Variants in CNTNAP2 observed in about 807,000 individuals in gnomAD.
The protein encoded by CNTNAP2 is contactin associated protein 2, also known as contactin-associated protein-like 2.
In CNTNAP2, 98 loss-of-function variants were observed where a neutral mutation model predicts 155.2. That is an observed-to-expected ratio of 0.63 (90% CI 0.54 to 0.75). The LOEUF is 0.75. Among genes scored for constraint, CNTNAP2 ranks in the 30% least tolerant of loss-of-function variants. The probability of loss-of-function intolerance (pLI) is 0.00; values close to 1 mark genes in which losing one functional copy is unlikely to be tolerated. For synonymous variants in CNTNAP2, 651 were observed against 631.2 expected, an observed-to-expected ratio of 1.03 and a Z score of -0.47; for missense variants, 1,727 against 1,688.1, an observed-to-expected ratio of 1.02 and a Z score of -0.40.
At chr7:146,724,287 G>A (rs1369766145) in intron 1 of CNTNAP2, among the ~76,000 whole-genome samples, 1 of 152,176 alleles carries the variant, frequency 6.6e-6, no homozygotes, top group African/African-American at 2.4e-5. Flanking sequence ...AACAGTTACT[G>A]TTGAATAGTT....
chr7:147,551,196 T>C (rs1799845944), intron 11 of CNTNAP2, among the ~76,000 whole-genome samples: 1 of 152,210 alleles, frequency 6.6e-6, no homozygotes, highest in African/African-American at 2.4e-5. Context: ...TCAACTATTC[T>C]AGCAGGTGGT....
chr7:147,161,718 T>A (rs181243904), intron 8 of CNTNAP2: 1 of 152,304 alleles, frequency 6.6e-6, no homozygotes, highest in Non-Finnish European at 1.5e-5. Flanking sequence ...TTAATTTTGC[T>A]TCACTCAAAA....
intron 10 of CNTNAP2, among the ~76,000 whole-genome samples, chr7:147,413,812 C>T (rs1365454377): frequency 6.6e-6 from 1 of 152,112 alleles, no homozygotes; most frequent in Non-Finnish European, 1.5e-5. Flanking sequence ...CCCCCAGATA[C>T]ATGAAAAATG....
intron 13 of CNTNAP2, among the ~76,000 whole-genome samples, chr7:147,891,670 AAAC>A (rs1173917693): frequency 1.3e-5 from 2 of 152,228 alleles, no homozygotes; most frequent in African/African-American, 2.4e-5. Context: ...CATTTAAAAA[AAAC>A]AACATCTACC....
rs1302822380 is a variant in CNTNAP2 at position 148,170,632 on chromosome 7, G to A, written c.2774-1610G>A. On this transcript the variant is annotated intron_variant, in intron 17 of 23. Transcript: ENST00000361727. ...TTAGAAGAAATCAAATACTCCCAAG[G>A]GAGTCATGATTAAAACCAATGAGTC... 2.6e-5 allele frequency among the ~76,000 whole-genome samples: 4 copies of A among 152,150 alleles called. No homozygotes were observed. The East Asian group carries it at 7.7e-4, about 29-fold the overall frequency.
chr7:147,949,506 C>G (rs1800887127), intron 14 of CNTNAP2, among the ~76,000 whole-genome samples: 1 of 148,118 alleles, frequency 6.8e-6, no homozygotes, highest in Non-Finnish European at 1.5e-5. Flanking sequence ...CTCTCCAAAG[C>G]TATAATCCTG....
rs576956548 is a variant in CNTNAP2, at chr7:146,689,243, A to G, written c.98-85028A>G. On this transcript the variant is annotated intron_variant, in intron 1 of 23. Coordinates refer to ENST00000361727, the MANE Select transcript of CNTNAP2 (RefSeq NM_014141.6). ...CTTAGTTTCTTCTCTATGAGTGGTG[A>G]TCAAAATGCCTACCCTGTCTTTTGA... Among the ~76,000 whole-genome samples, 7 of 152,202 alleles carry G rather than the reference A, an allele frequency of 4.6e-5. No homozygotes were observed. In the South Asian group the frequency reaches 1.2e-3, roughly 27 times the overall value.
At chr7:146,427,291 T>C (rs1166949692) in intron 1 of CNTNAP2, among the ~76,000 whole-genome samples, 3 of 152,166 alleles carry the variant, frequency 2.0e-5, no homozygotes, top group African/African-American at 4.8e-5. Context: ...GGACAAATAT[T>C]TTTGGGAAAG....
chr7:146,847,452 C>G (rs140372767), intron 3 of CNTNAP2, among the ~76,000 whole-genome samples: 208 of 152,182 alleles, frequency 1.4e-3, no homozygotes, highest in African/African-American at 4.6e-3. Context: ...TAAAATGGGT[C>G]TAGTCACTTA....
intron 12 of CNTNAP2, among the ~76,000 whole-genome samples, chr7:147,615,854 A>G (rs1801280658): frequency 1.3e-5 from 2 of 152,178 alleles, no homozygotes; most frequent in Admixed American, 1.3e-4. Context: ...TAACATTGAA[A>G]TACCACTTAA....
intron 21 of CNTNAP2, among the ~76,000 whole-genome samples, chr7:148,354,560 T>C (rs887996925): frequency 6.6e-6 from 1 of 152,054 alleles, no homozygotes; most frequent in African/African-American, 2.4e-5. Flanking sequence ...GGACCTGTCC[T>C]CAGGAGCTCA....
intron 2 of CNTNAP2, among the ~76,000 whole-genome samples, chr7:146,802,327 C>A (rs1802893411): frequency 6.6e-6 from 1 of 152,122 alleles, no homozygotes; most frequent in South Asian, 2.1e-4. Flanking sequence ...GGAAAACCCC[C>A]CTTACATCAA....
In CNTNAP2 at chr7:147,977,896, C is replaced by A. The variant is rs201446615; in HGVS notation, c.2290C>A (p.His764Asn). The change falls in exon 15 of 24, where the codon CAC (histidine) becomes AAC (asparagine). Residue 764 changes from histidine (H) to asparagine (N), a missense_variant. Coordinates refer to ENST00000361727, the MANE Select transcript of CNTNAP2 (RefSeq NM_014141.6). ...KDAGFLSYKD[H>N]LPVSQVVVGD... ...TGCTGGTTTCTTATCATACAAAGAT[C>A]ACCTGCCAGTGAGCCAAGTGGTGGT... The A allele has an allele frequency of 2.0e-5, 33 of 1,613,980 alleles. No individual in the cohort carries two copies. The highest frequency in any genetic ancestry group is 2.7e-5 in the Non-Finnish European group (32 of 1,180,030).
chr7:146,743,762 T>G (rs915151367), intron 1 of CNTNAP2, among the ~76,000 whole-genome samples: 1 of 152,124 alleles, frequency 6.6e-6, no homozygotes, highest in Non-Finnish European at 1.5e-5. Context: ...GGGAACAGCA[T>G]CCAAGACAGC....
At chr7:146,619,234 T>C (rs941283773) in intron 1 of CNTNAP2, among the ~76,000 whole-genome samples, 1 of 152,200 alleles carries the variant, frequency 6.6e-6, no homozygotes, top group Non-Finnish European at 1.5e-5. Flanking sequence ...TTTTTTAATA[T>C]TCTTTACAAC....
At chr7:146,815,763 CT>C (rs145221552) in intron 2 of CNTNAP2, among the ~76,000 whole-genome samples, 32 of 151,380 alleles carry the variant, frequency 2.1e-4, no homozygotes, top group South Asian at 6.3e-4. Context: ...ATATAGAGCA[CT>C]TTTTTTTTAT....
chr7:146,803,189 C>G (rs934171505), intron 2 of CNTNAP2, among the ~76,000 whole-genome samples: 1 of 151,804 alleles, frequency 6.6e-6, no homozygotes, highest in South Asian at 2.1e-4. Flanking sequence ...CTAAAAGTAA[C>G]GGGAAAATAA....
chr7:148,018,036 G>A (rs1051580024), intron 15 of CNTNAP2, among the ~76,000 whole-genome samples: 1 of 152,218 alleles, frequency 6.6e-6, no homozygotes, highest in African/African-American at 2.4e-5. Flanking sequence ...AAAGGGAAAA[G>A]CATTCACAGA....
At chr7:147,095,372 A>C (rs1183659063) in intron 4 of CNTNAP2, among the ~76,000 whole-genome samples, 1 of 151,896 alleles carries the variant, frequency 6.6e-6, no homozygotes, top group East Asian at 1.9e-4. Context: ...AATTTCATTC[A>C]TGAGGACTTC....
Sources: gnomAD v4.1 joint callset for allele counts (sites outside exome capture counted in the v4.1 genomes callset) on GRCh38, gnomAD v4.1.1 for gene constraint, MANE v1.5 for transcripts, NCBI Gene and HGNC (gene_info 2026-07-23, HGNC 2026-07-21) for gene names.